Variants in THSD4 observed in about 807,000 individuals in gnomAD.
THSD4 encodes the protein thrombospondin type-1 domain-containing protein 4.
A neutral mutation model predicts 119.0 loss-of-function variants in THSD4; 69 were observed. The observed-to-expected ratio is 0.58, with a 90% confidence interval of 0.48 to 0.71. The LOEUF is 0.71. THSD4 is among the 30% of genes least tolerant of loss of function. The pLI is 0.00. For synonymous variants in THSD4, 524 were observed against 540.4 expected (o/e 0.97, Z 0.42); for missense variants, 1,393 against 1,391.1 (o/e 1.00, Z -0.02).
chr15:71,293,481 G>A (rs562746190), intron 6 of THSD4, among the ~76,000 whole-genome samples: 1 of 152,134 alleles, frequency 6.6e-6, no homozygotes, highest in East Asian at 1.9e-4. Context: ...GAGCATGGGG[G>A]TTACGTAGTA....
At chr15:71,547,577 A>G in intron 7 of THSD4, 7 of 1,430,746 alleles carry the variant, frequency 4.9e-6, no homozygotes, top group South Asian at 1.4e-5. Flanking sequence ...ATGGAATTTT[A>G]TGGGGTGCAA....
At chr15:71,401,226 T>C (rs979259862) in intron 6 of THSD4, among the ~76,000 whole-genome samples, 1 of 152,224 alleles carries the variant, frequency 6.6e-6, no homozygotes, top group Admixed American at 6.5e-5. Context: ...GCAAGTTTCT[T>C]CCACTTAAGC....
intron 14 of THSD4, among the ~76,000 whole-genome samples, chr15:71,751,596 A>G (rs1212260997): frequency 1.3e-5 from 2 of 152,146 alleles, no homozygotes; most frequent in African/African-American, 2.4e-5. Flanking sequence ...ATAATAAGCT[A>G]TAGAACTATA....
chr15:71,518,666 C>G (rs944554161), intron 7 of THSD4, among the ~76,000 whole-genome samples: 1 of 152,184 alleles, frequency 6.6e-6, no homozygotes, highest in Non-Finnish European at 1.5e-5. Context: ...TGAGGTGACT[C>G]TCCCCCACCA....
chr15:71,395,670 G>C (rs942685325), intron 6 of THSD4, among the ~76,000 whole-genome samples: 3 of 152,022 alleles, frequency 2.0e-5, no homozygotes, highest in African/African-American at 4.8e-5. Flanking sequence ...GAACCCGGGA[G>C]GCAGAGGCTG....
intron 7 of THSD4, among the ~76,000 whole-genome samples, chr15:71,615,449 A>T (rs2050304119): frequency 6.6e-6 from 1 of 152,156 alleles, no homozygotes; most frequent in African/African-American, 2.4e-5. Context: ...CAGGGTAAGA[A>T]GGGAAATATG....
At chr15:71,609,649 G>T (rs955737666) in intron 7 of THSD4, among the ~76,000 whole-genome samples, 1 of 152,034 alleles carries the variant, frequency 6.6e-6, no homozygotes, top group African/African-American at 2.4e-5. Context: ...TCAGGAAATT[G>T]AGACCATCCT....
chr15:71,746,790 G>T (rs1169049148), intron 12 of THSD4, 48 bp from the exon 13 acceptor site: 1 of 1,597,428 alleles, frequency 6.3e-7, no homozygotes, highest in South Asian at 1.1e-5. Flanking sequence ...CTGACTTCCT[G>T]TTGACTGAAG....
At chr15:71,384,581 G>GT (rs1447871434) in intron 6 of THSD4, among the ~76,000 whole-genome samples, 3 of 152,246 alleles carry the variant, frequency 2.0e-5, no homozygotes, top group East Asian at 1.9e-4. Flanking sequence ...AGTTGCTTCA[G>GT]TTTTTTATTT....
At chr15:71,411,570 G>T in intron 6 of THSD4, 117 bp from the exon 7 acceptor site, 18 of 1,147,070 alleles carry the variant, frequency 1.6e-5, no homozygotes, top group Non-Finnish European at 2.2e-5. Flanking sequence ...GCTTAATTTT[G>T]TGTTATACAA....
intron 7 of THSD4, among the ~76,000 whole-genome samples, chr15:71,607,577 G>A (rs1471831957): frequency 6.6e-6 from 1 of 152,204 alleles, no homozygotes; most frequent in Non-Finnish European, 1.5e-5. Flanking sequence ...TGGGGAATGA[G>A]GAGGGTGCTC....
chr15:71,515,657 T>TTGAAA (rs1336149352), intron 7 of THSD4, among the ~76,000 whole-genome samples: 1 of 152,190 alleles, frequency 6.6e-6, no homozygotes, highest in Non-Finnish European at 1.5e-5. Context: ...TGGCAGGCCT[T>TTGAAA]TGAAATGCAG....
At chr15:71,118,443 C>G (rs973838806) in intron 1 of THSD4, among the ~76,000 whole-genome samples, 1 of 152,154 alleles carries the variant, frequency 6.6e-6, no homozygotes, top group Non-Finnish European at 1.5e-5. Context: ...TGTCTCTTCC[C>G]TGCATTCTTT....
At chr15:71,269,679 A>G (rs1456091242) in intron 6 of THSD4, among the ~76,000 whole-genome samples, 1 of 152,234 alleles carries the variant, frequency 6.6e-6, no homozygotes, top group African/African-American at 2.4e-5. Flanking sequence ...TGCAGATGAC[A>G]TGATTGTATA....
At position 71,782,650 on chromosome 15, in the gene THSD4, C is replaced by G. The variant is rs984407302; in HGVS notation, c.*5276C>G. The G allele has an allele frequency of 1.3e-5, 2 of 152,202 alleles. No individual in the cohort carries two copies. The highest frequency in any genetic ancestry group is 4.8e-5 in the African/African-American group (2 of 41,448). 9.4% of individuals were successfully genotyped at this position (152,202 alleles called of 1,614,324 possible). On this transcript the variant is annotated 3_prime_UTR_variant, in exon 18 of 18. Transcript: ENST00000261862. The stretch of plus-strand genomic sequence containing the variant: ...AATGTCGCTGTACGATGATTGATGT[C>G]TTTTTCTCAGTCCATAGTTACAATT...
intron 8 of THSD4, 25 bp from the exon 9 acceptor site, chr15:71,728,524 A>C (rs761583049): frequency 1.9e-6 from 3 of 1,611,578 alleles, no homozygotes; most frequent in Non-Finnish European, 2.5e-6. Flanking sequence ...GCTTACCCAA[A>C]GAACTGTCTG....
chr15:71,773,428 T>C (rs1212846218), intron 17 of THSD4, among the ~76,000 whole-genome samples: 1 of 152,086 alleles, frequency 6.6e-6, no homozygotes, highest in Non-Finnish European at 1.5e-5. Flanking sequence ...CTAGCTAATA[T>C]AATATAATAC....
Position 71,397,311 on chromosome 15 carries a change from T to C in THSD4, c.1016-14376T>C, listed in dbSNP as rs188298230. On this transcript the variant is annotated intron_variant, in intron 6 of 17. Transcript: ENST00000261862. ...ACATTTATTTGTGTGACTAGTTAAT[T>C]CATACCTGTCTTCCCCATGAAATTG... Among the ~76,000 whole-genome samples the C allele has an allele frequency of 1.9e-3, 287 of 152,346 alleles. 1 individual carries two copies. The highest frequency in any genetic ancestry group is 2.1e-3 in the Non-Finnish European group (142 of 68,026).
At chr15:71,329,299 T>G (rs1485472604) in intron 6 of THSD4, among the ~76,000 whole-genome samples, 1 of 152,170 alleles carries the variant, frequency 6.6e-6, no homozygotes, top group Non-Finnish European at 1.5e-5. Context: ...AGGCCTCGGC[T>G]GGAATCTCAC....
Sources: allele counts gnomAD v4.1 joint callset (sites outside exome capture counted in the v4.1 genomes callset), GRCh38; gene constraint gnomAD v4.1.1; transcripts MANE v1.5; gene names NCBI Gene and HGNC (gene_info 2026-07-23, HGNC 2026-07-21).